MSANTD4: variants seen among roughly 807,000 people sequenced by gnomAD.
The protein encoded by MSANTD4 is myb/SANT-like DNA-binding domain-containing protein 4.
Under a neutral mutation model 34.3 loss-of-function variants are expected in MSANTD4, and 13 were observed. That is an observed-to-expected ratio of 0.38 (90% CI 0.25 to 0.60). The LOEUF is 0.60. Among genes scored for constraint, MSANTD4 ranks in the 20% least tolerant of loss-of-function variants. The pLI is 0.63. For synonymous variants in MSANTD4, 137 were observed against 145.2 expected (o/e 0.94, Z 0.41); for missense variants, 358 against 401.8 (o/e 0.89, Z 0.93).
chr11:106,010,567 G>A lies in MSANTD4; in HGVS notation c.351C>T (p.Phe117=), dbSNP rs2134934887. The part of the protein sequence containing the change: ...LTEEIDEKIG[F]RNDANFDWQN... ...GCCAGTCAAAATTTGCATCATTTCGGAATCCAATCTTTTCATCTATCTCTT... is the reference window on the plus strand; with the variant it reads ...GCCAGTCAAAATTTGCATCATTTCGAAATCCAATCTTTTCATCTATCTCTT... The change falls in exon 2 of 3, where the codon TTC becomes TTT. Residue 117 remains phenylalanine, a synonymous_variant. Coordinates refer to ENST00000301919, the MANE Select transcript of MSANTD4 (RefSeq NM_032424.3). 1 of 1,614,116 alleles carries A rather than the reference G, an allele frequency of 6.2e-7. No homozygotes were observed. Among genetic ancestry groups the A allele is most frequent in the Middle Eastern group, 1.6e-4 (1 of 6,062 alleles).
chr11:106,018,003 A>G (rs148771613), intron 1 of MSANTD4, among the ~76,000 whole-genome samples: 1 of 152,270 alleles, frequency 6.6e-6, no homozygotes, highest in East Asian at 1.9e-4. Context: ...ATTTTTGACA[A>G]ATGACGTCCT....
At chr11:106,015,717 T>C (rs1293291536) in intron 1 of MSANTD4, among the ~76,000 whole-genome samples, 1 of 152,224 alleles carries the variant, frequency 6.6e-6, no homozygotes, top group Non-Finnish European at 1.5e-5. Context: ...CTTTTTTTTT[T>C]TTTTGAGTGG....
rs763456196 is a variant in MSANTD4 at position 106,009,743 on chromosome 11, T to C, written c.830A>G (p.Glu277Gly). 1 of 1,614,226 alleles carries C rather than the reference T, an allele frequency of 6.2e-7. No individual in the cohort carries two copies. Among genetic ancestry groups the C allele is most frequent in the Non-Finnish European group, 8.5e-7 (1 of 1,180,048 alleles). Residue 277 changes from glutamate to glycine, a missense_variant, in exon 3 of 3, where the codon GAA (glutamate) becomes GGA (glycine). Glu to Gly is a moderately conservative substitution (Grantham distance 98). Around this residue, in one of 2 missense-constraint regions of MSANTD4, gnomAD observed 312 missense variants for 317.6 expected, o/e 0.98. Coordinates refer to ENST00000301919, the MANE Select transcript of MSANTD4 (RefSeq NM_032424.3). ...QIVNSEKPSL[E>G]NELGQGEKSM... ...TTTTTCTCCTTGACCAAGTTCATTT[T>C]CCAAGGACGGTTTCTCTGAATTGAC...
rs1860037079 is a variant in MSANTD4 at position 106,021,573 on chromosome 11, C to CA, written c.-763dup. On this transcript the variant is annotated 5_prime_UTR_variant, in exon 1 of 3. Coordinates refer to ENST00000301919, the MANE Select transcript of MSANTD4 (RefSeq NM_032424.3). ...GAAAAGCATCACAAATCTACAATAT[C>CA]AAACCCTACCCAAATTCTCTTTAAA... The CA allele has an allele frequency of 6.6e-6, 1 of 152,184 alleles. No individual in the cohort carries two copies. The highest frequency in any genetic ancestry group is 1.5e-5 in the Non-Finnish European group (1 of 68,024). 9.4% of individuals were successfully genotyped at this position (152,184 alleles called of 1,614,324 possible). A position where few individuals can be genotyped will look rare whatever the true frequency, so the allele number is the denominator to read the frequency against.
At position 106,008,668 on chromosome 11, in the gene MSANTD4, A is replaced by G. The variant is rs1859596174; in HGVS notation, c.*867T>C. 6.6e-6 allele frequency: 1 copy of G among 152,194 alleles called. No homozygotes were observed. The highest frequency in any genetic ancestry group is 1.5e-5 in the Non-Finnish European group (1 of 68,030). The allele number at this position is 152,194 out of a possible 1,614,324, so 9.4% of individuals were successfully genotyped here. ...CTAGCTTCAACTATTCACTTATAAG[A>G]TTTCAGTACATTACTGAAATGACAT... On this transcript the variant is annotated 3_prime_UTR_variant, in exon 3 of 3. Transcript: ENST00000301919.
At chr11:106,012,584 G>C (rs547070050) in intron 1 of MSANTD4, among the ~76,000 whole-genome samples, 34 of 152,182 alleles carry the variant, frequency 2.2e-4, no homozygotes, top group Non-Finnish European at 3.8e-4. Flanking sequence ...ACGAGACAAT[G>C]TTTCTCCAAT....
At chr11:106,013,184 G>A (rs1466681780) in intron 1 of MSANTD4, among the ~76,000 whole-genome samples, 1 of 152,136 alleles carries the variant, frequency 6.6e-6, no homozygotes, top group Non-Finnish European at 1.5e-5. Context: ...GAAAGAGTAA[G>A]GGGTACCTTA....
chr11:106,017,290 C>A (rs902649357), intron 1 of MSANTD4, among the ~76,000 whole-genome samples: 11 of 152,180 alleles, frequency 7.2e-5, no homozygotes, highest in African/African-American at 2.4e-4. Context: ...AGACACAGAA[C>A]ATCCTATGCT....
Position 106,021,782 on chromosome 11 carries a change from A to C in MSANTD4, c.-971T>G, listed in dbSNP as rs1389454848. 1 of 152,030 alleles carries C rather than the reference A, an allele frequency of 6.6e-6. No individual in the cohort carries two copies. The highest frequency in any genetic ancestry group is 2.4e-5 in the African/African-American group (1 of 41,352). The allele number at this position is 152,030 out of a possible 1,614,324, so 9.4% of individuals were successfully genotyped here. A position where few individuals can be genotyped will look rare whatever the true frequency, so the allele number is the denominator to read the frequency against. ...CCGTCCAAAAAGAGCCCCTGGGAAG[A>C]ATCGAGTTAGACTGGGCTCCCGGAA... On this transcript the variant is annotated 5_prime_UTR_variant, in exon 1 of 3. It adds an upstream start codon to the 5' untranslated region. Coordinates refer to ENST00000301919, the MANE Select transcript of MSANTD4 (RefSeq NM_032424.3).
At position 106,010,998 on chromosome 11, in the gene MSANTD4, ATT is replaced by A; in HGVS notation, c.-83_-82del. The A allele has an allele frequency of 6.2e-6, 9 of 1,461,842 alleles. No homozygotes were observed. Among genetic ancestry groups the A allele is most frequent in the Non-Finnish European group, 8.1e-6 (9 of 1,111,250 alleles). The allele number at this position is 1,461,842 out of a possible 1,614,324, so 90.6% of individuals were successfully genotyped here. A position where few individuals can be genotyped will look rare whatever the true frequency, so the allele number is the denominator to read the frequency against. On this transcript the variant is annotated 5_prime_UTR_variant, in exon 2 of 3. Transcript: ENST00000301919. Reference sequence around the variant, plus strand: ...CTGCAAAGCACAAAAACCAGGGATAATTCTTTGCTGGCCCTTAGTTCAAATCA... The same window carrying A: ...CTGCAAAGCACAAAAACCAGGGATAACTTTGCTGGCCCTTAGTTCAAATCA...
intron 1 of MSANTD4, among the ~76,000 whole-genome samples, chr11:106,013,862 AAAC>A (rs1322869982): frequency 2.6e-5 from 4 of 152,192 alleles, no homozygotes; most frequent in South Asian, 2.1e-4. Flanking sequence ...ACTTTGTCTC[AAAC>A]AACAACAACA....
chr11:106,008,103 C>T lies in MSANTD4; in HGVS notation c.*1432G>A, dbSNP rs748936164. The T allele has an allele frequency of 6.6e-6, 1 of 152,622 alleles. No individual in the cohort carries two copies. Among genetic ancestry groups the T allele is most frequent in the East Asian group, 1.9e-4 (1 of 5,198 alleles). The allele number at this position is 152,622 out of a possible 1,614,324, so 9.5% of individuals were successfully genotyped here. On this transcript the variant is annotated 3_prime_UTR_variant, in exon 3 of 3. Transcript: ENST00000301919. Reference sequence around the variant, plus strand: ...AAAGTAATAACTGTCAACAGAAGAGCTGTATTAAAGCTACGTATCAACCTT... The same window carrying T: ...AAAGTAATAACTGTCAACAGAAGAGTTGTATTAAAGCTACGTATCAACCTT...
At position 106,009,164 on chromosome 11, in the gene MSANTD4, T is replaced by G. The variant is rs557841790; in HGVS notation, c.*371A>C. On this transcript the variant is annotated 3_prime_UTR_variant, in exon 3 of 3. Coordinates refer to ENST00000301919, the MANE Select transcript of MSANTD4 (RefSeq NM_032424.3). Reference sequence around the variant, plus strand: ...TAGCAACCTTTTCCCCACCCCAGTTTTGACAACCCAACATGTCTCCAGACA... The same window carrying G: ...TAGCAACCTTTTCCCCACCCCAGTTGTGACAACCCAACATGTCTCCAGACA... The G allele has an allele frequency of 1.4e-4, 24 of 174,470 alleles. No individual in the cohort carries two copies. The highest frequency in any genetic ancestry group is 6.1e-4 in the Admixed American group (11 of 17,920). 10.8% of individuals were successfully genotyped at this position (174,470 alleles called of 1,614,324 possible).
rs1463238706 is a variant in MSANTD4 at position 106,010,559 on chromosome 11, T to A, written c.359A>T (p.Asp120Val). The A allele has an allele frequency of 1.2e-6, 2 of 1,614,172 alleles. No homozygotes were observed. Among genetic ancestry groups the A allele is most frequent in the Admixed American group, 1.7e-5 (1 of 60,020 alleles). The change falls in exon 2 of 3, where the codon GAT (aspartate) becomes GTT (valine). Residue 120 changes from aspartate to valine, a missense_variant. This residue lies in a region of MSANTD4 where 312 missense variants were observed against 317.6 expected (regional missense o/e 0.98). Coordinates refer to ENST00000301919, the MANE Select transcript of MSANTD4 (RefSeq NM_032424.3). ...EIDEKIGFRN[D>V]ANFDWQNVAD... Reference sequence around the variant, plus strand: ...CACATTTTGCCAGTCAAAATTTGCATCATTTCGGAATCCAATCTTTTCATC... The same window carrying A: ...CACATTTTGCCAGTCAAAATTTGCAACATTTCGGAATCCAATCTTTTCATC...
intron 1 of MSANTD4, among the ~76,000 whole-genome samples, chr11:106,019,487 T>C (rs747817642): frequency 1.8e-4 from 27 of 152,230 alleles, no homozygotes; most frequent in Non-Finnish European, 3.7e-4. Context: ...GCCATCATGG[T>C]CCCTGACCTT....
chr11:106,009,906 C>T lies in MSANTD4; in HGVS notation c.667G>A (p.Ala223Thr), dbSNP rs746434541. Residue 223 changes from alanine (A) to threonine (T), a missense_variant, in exon 3 of 3, where the codon GCC (alanine) becomes ACC (threonine). By Grantham distance (58) the Ala-to-Thr change is moderately conservative. Transcript: ENST00000301919. Reference protein sequence around the residue: ...ELEKRRLDIEAERLQVEKERL... With the variant: ...ELEKRRLDIETERLQVEKERL... Reference sequence around the variant, plus strand: ...TCCTTTTCTACCTGCAGCCTTTCGGCCTCGATATCCAGTCGTCGTTTTTCC... The same window carrying T: ...TCCTTTTCTACCTGCAGCCTTTCGGTCTCGATATCCAGTCGTCGTTTTTCC... 1.5e-5 allele frequency: 25 copies of T among 1,613,456 alleles called. No individual in the cohort carries two copies. The highest frequency in any genetic ancestry group is 1.9e-5 in the Non-Finnish European group (22 of 1,179,936).
chr11:106,018,015 G>A (rs556663555), intron 1 of MSANTD4, among the ~76,000 whole-genome samples: 5 of 151,930 alleles, frequency 3.3e-5, no homozygotes, highest in African/African-American at 1.2e-4. Context: ...TGACGTCCTC[G>A]GACCGCATCT....
At chr11:106,012,095 A>G (rs1470206797) in intron 1 of MSANTD4, among the ~76,000 whole-genome samples, 1 of 151,876 alleles carries the variant, frequency 6.6e-6, no homozygotes, top group African/African-American at 2.4e-5. Flanking sequence ...CACCTAATTA[A>G]TCATGTAAGT....
chr11:106,009,753 G>C lies in MSANTD4; in HGVS notation c.820C>G (p.Pro274Ala), dbSNP rs1859629130. 6.2e-7 allele frequency: 1 copy of C among 1,614,064 alleles called. No individual in the cohort carries two copies. Residue 274 changes from proline (P) to alanine (A), a missense_variant, in exon 3 of 3, where the codon CCG becomes GCG. Physicochemically the swap from Pro to Ala is conservative, Grantham distance 27 (BLOSUM62 -1). Coordinates refer to ENST00000301919, the MANE Select transcript of MSANTD4 (RefSeq NM_032424.3). ...TGACCAAGTTCATTTTCCAAGGACG[G>C]TTTCTCTGAATTGACTATCTGTAAC... is the stretch of plus-strand genomic sequence containing the variant. ...LRLQIVNSEKPSLENELGQGE... is the reference protein window; with the variant it reads ...LRLQIVNSEKASLENELGQGE...
Sources: gnomAD v4.1 joint callset for allele counts (sites outside exome capture counted in the v4.1 genomes callset) on GRCh38, gnomAD v4.1.1 for gene constraint, gnomAD v4.1.1 regional missense constraint, MANE v1.5 for transcripts, NCBI Gene and HGNC (gene_info 2026-07-23, HGNC 2026-07-21) for gene names.